C1orf105: variants seen among roughly 807,000 people sequenced by gnomAD.
The protein encoded by C1orf105 is chromosome 1 open reading frame 105, also known as uncharacterized protein C1orf105.
A neutral mutation model predicts 20.8 loss-of-function variants in C1orf105; 17 were observed. The observed-to-expected ratio is 0.82, with a 90% CI of 0.56 to 1.23. C1orf105 has a LOEUF of 1.23. Ranked by LOEUF, C1orf105 falls within the 50% of genes most tolerant of loss-of-function variation. The pLI, the probability that C1orf105 is intolerant of heterozygous loss-of-function variation, is 0.00. For synonymous variants in C1orf105, 72 were observed against 72.1 expected (o/e 1.00, Z 0.01); for missense variants, 219 against 213.5 (o/e 1.03, Z -0.16).
intron 3 of C1orf105, among the ~76,000 whole-genome samples, chr1:172,450,567 G>A (rs1443636149): frequency 1.3e-5 from 2 of 152,216 alleles, no homozygotes; most frequent in African/African-American, 4.8e-5. Flanking sequence ...TCTAAATCAG[G>A]GACCTGACAA....
At position 172,444,923 on chromosome 1, in the gene C1orf105, G is replaced by C. The variant is rs1008734515; in HGVS notation, c.22-150G>C. The C allele has an allele frequency of 5.7e-6, 3 of 527,122 alleles. No individual in the cohort carries two copies. The Admixed American group carries it at 1.2e-4, about 21-fold the overall frequency. The allele number at this position is 527,122 out of a possible 1,614,324, so 32.7% of individuals were successfully genotyped here. Reference sequence around the variant, plus strand: ...AATGGAGATGACATTATTTGCACTTGGCTACTTTATAGGATGGTTAAAGAG... The same window carrying C: ...AATGGAGATGACATTATTTGCACTTCGCTACTTTATAGGATGGTTAAAGAG... On this transcript the variant is annotated intron_variant, in intron 1 of 6. Transcript: ENST00000367727.
intron 1 of C1orf105, among the ~76,000 whole-genome samples, chr1:172,437,602 G>A (rs2072080464): frequency 1.1e-5 from 1 of 93,148 alleles, no homozygotes; most frequent in Non-Finnish European, 2.0e-5. Context: ...GGGGAGGGGG[G>A]AGGGATAGCA....
At chr1:172,453,052 G>T (rs544516037) in intron 3 of C1orf105, 5 of 1,550,456 alleles carry the variant, frequency 3.2e-6, no homozygotes, top group Non-Finnish European at 4.4e-6. Context: ...AGGACATGGC[G>T]TCTCAAATGT....
intron 4 of C1orf105, among the ~76,000 whole-genome samples, chr1:172,461,790 A>G (rs1479139620): frequency 6.6e-6 from 1 of 152,230 alleles, no homozygotes; most frequent in Non-Finnish European, 1.5e-5. Flanking sequence ...TAAATACAAT[A>G]TAAAGGTTAT....
At chr1:172,445,198 A>G in intron 2 of C1orf105, 40 bp downstream of exon 2, 1 of 1,482,586 alleles carries the variant, frequency 6.7e-7, no homozygotes, top group Non-Finnish European at 9.4e-7. Context: ...TTTACGAAAC[A>G]TCTCACAGAA....
At position 172,431,074 on chromosome 1, in the gene C1orf105, C is replaced by A. The variant is rs765195909; in HGVS notation, c.21+10168C>A. 12 of 661,890 alleles carry A rather than the reference C, an allele frequency of 1.8e-5. No individual in the cohort carries two copies. In the South Asian group the frequency reaches 2.0e-4, roughly 11 times the overall value. The allele number at this position is 661,890 out of a possible 1,614,324, so 41.0% of individuals were successfully genotyped here. A position where few individuals can be genotyped will look rare whatever the true frequency, so the allele number is the denominator to read the frequency against. ...TTGGGCCTCCCTATTTCCTGAGACA[C>A]AACAGTATCAAAATTAAGCCAATTA... On this transcript the variant is annotated intron_variant, in intron 1 of 6. Coordinates refer to ENST00000367727, the MANE Select transcript of C1orf105 (RefSeq NM_139240.4).
intron 1 of C1orf105, among the ~76,000 whole-genome samples, chr1:172,425,927 C>A (rs899000975): frequency 7.0e-6 from 1 of 143,828 alleles, no homozygotes; most frequent in Admixed American, 6.9e-5. Context: ...CTTACACTTA[C>A]TGGAACTTAT....
At position 172,442,092 on chromosome 1, in the gene C1orf105, T is replaced by C. The variant is rs756094179; in HGVS notation, c.22-2981T>C. On this transcript the variant is annotated intron_variant, in intron 1 of 6. Coordinates refer to ENST00000367727, the MANE Select transcript of C1orf105 (RefSeq NM_139240.4). The stretch of plus-strand genomic sequence containing the variant: ...AAGCAAAGATGGCCATGTTCAAGGA[T>C]AGTGTGCTGGATACAATGGCAGCAT... The C allele has an allele frequency of 1.7e-5, 27 of 1,614,120 alleles. No individual in the cohort carries two copies. The highest frequency in any genetic ancestry group is 3.3e-5 in the Admixed American group (2 of 60,024).
chr1:172,429,154 G>T (rs1159409746), intron 1 of C1orf105, among the ~76,000 whole-genome samples: 1 of 152,142 alleles, frequency 6.6e-6, no homozygotes, highest in Non-Finnish European at 1.5e-5. Context: ...CCCACTCTGA[G>T]TCTCAGTCTC....
chr1:172,450,036 G>C (rs893317179), intron 3 of C1orf105, among the ~76,000 whole-genome samples: 1 of 152,190 alleles, frequency 6.6e-6, no homozygotes, highest in South Asian at 2.1e-4. Flanking sequence ...GTAGGAGTGA[G>C]AGGCCATTCT....
In C1orf105 at chr1:172,437,959, A is replaced by T. The variant is rs544494385; in HGVS notation, c.22-7114A>T. Among the ~76,000 whole-genome samples the T allele has an allele frequency of 3.3e-5, 5 of 152,234 alleles. No homozygotes were observed. The South Asian group carries it at 6.2e-4, about 19-fold the overall frequency. ...AGGGGCTAATGTAGTTGGTGACTTG[A>T]CATCGATGCTCATTTACCATTCTGA... On this transcript the variant is annotated intron_variant, in intron 1 of 6. Coordinates refer to ENST00000367727, the MANE Select transcript of C1orf105 (RefSeq NM_139240.4).
chr1:172,428,487 C>G (rs1242685029), intron 1 of C1orf105, among the ~76,000 whole-genome samples: 2 of 152,214 alleles, frequency 1.3e-5, no homozygotes, highest in Non-Finnish European at 2.9e-5. Context: ...CCACTCCTTG[C>G]TATTCCCCAC....
chr1:172,452,545 AG>A (rs1558139485), intron 3 of C1orf105, among the ~76,000 whole-genome samples: 2 of 152,252 alleles, frequency 1.3e-5, no homozygotes, highest in African/African-American at 4.8e-5. Flanking sequence ...AGAGAAAGAA[AG>A]GAGAGTAGAG....
chr1:172,444,411 C>G (rs999617050), intron 1 of C1orf105: 16 of 550,388 alleles, frequency 2.9e-5, no homozygotes, highest in Non-Finnish European at 3.2e-5. Flanking sequence ...GCGTTCATTC[C>G]ACAGATACTG....
chr1:172,441,467 ATTTTT>A (rs1417130070), intron 1 of C1orf105: 2 of 303,762 alleles, frequency 6.6e-6, no homozygotes, highest in Non-Finnish European at 1.2e-5. Flanking sequence ...TGGATGTGTT[ATTTTT>A]TTAATAGAAA....
intron 3 of C1orf105, chr1:172,452,995 C>T: frequency 6.5e-7 from 1 of 1,549,522 alleles, no homozygotes; most frequent in Non-Finnish European, 8.7e-7. Context: ...ACCTGGGTTT[C>T]AGGGCTGGGA....
At chr1:172,429,616 G>A (rs1195136016) in intron 1 of C1orf105, among the ~76,000 whole-genome samples, 2 of 152,182 alleles carry the variant, frequency 1.3e-5, no homozygotes, top group African/African-American at 4.8e-5. Flanking sequence ...TGGCTTGGAG[G>A]ATGTAAATGA....
chr1:172,456,560 C>A, intron 4 of C1orf105, 71 bp downstream of exon 4: 1 of 1,465,612 alleles, frequency 6.8e-7, no homozygotes, highest in Non-Finnish European at 9.5e-7. Context: ...CAGCCAAGCC[C>A]TGTGGGGAGA....
chr1:172,432,610 G>T (rs558131357), intron 1 of C1orf105, among the ~76,000 whole-genome samples: 5 of 152,146 alleles, frequency 3.3e-5, no homozygotes, highest in Non-Finnish European at 7.4e-5. Context: ...CCTATCTGTA[G>T]GTCACCAACA....
Sources: gnomAD v4.1 joint callset for allele counts (sites outside exome capture counted in the v4.1 genomes callset) on GRCh38, gnomAD v4.1.1 for gene constraint, MANE v1.5 for transcripts, NCBI Gene and HGNC (gene_info 2026-07-23, HGNC 2026-07-21) for gene names.